MIS18A: variants seen among roughly 807,000 people sequenced by gnomAD.
MIS18A encodes the protein MIS18 kinetochore protein A.
In MIS18A, 14 loss-of-function variants were observed where a neutral mutation model predicts 25.0. The ratio of observed to expected loss-of-function variants is 0.56; its 90% CI spans 0.37 to 0.88. The LOEUF (loss-of-function observed/expected upper bound fraction) is 0.88. Ranked by LOEUF, MIS18A falls within the 40% of genes least tolerant of loss-of-function variation. MIS18A has a pLI of 0.00. For synonymous variants in MIS18A, 134 were observed against 118.6 expected, an observed-to-expected ratio of 1.13 and a Z score of -0.84; for missense variants, 292 against 290.8, an observed-to-expected ratio of 1.00 and a Z score of -0.03.
the MIS18A span, among the ~76,000 whole-genome samples, chr21:32,242,468 T>C: frequency 6.6e-6 from 1 of 152,202 alleles, no homozygotes; most frequent in East Asian, 1.9e-4. Context: ...CCCATAAGTA[T>C]ATTTTCTTCA....
chr21:32,178,849 G>A, the MIS18A span, among the ~76,000 whole-genome samples: 90,126 of 151,918 alleles, frequency 0.59, 27,527 homozygotes, highest in African/African-American at 0.74. Flanking sequence ...AAACCTTTTC[G>A]ATCTGCCCTC....
At chr21:32,228,159 G>A in the MIS18A span, among the ~76,000 whole-genome samples, 1 of 152,168 alleles carries the variant, frequency 6.6e-6, no homozygotes, top group Non-Finnish European at 1.5e-5. Context: ...CGCCATCACG[G>A]CTCACTGCAA....
At chr21:32,193,957 G>C in the MIS18A span, among the ~76,000 whole-genome samples, 1 of 152,196 alleles carries the variant, frequency 6.6e-6, no homozygotes, top group African/African-American at 2.4e-5. Flanking sequence ...TCCCTCACCT[G>C]TACCCACGAG....
the MIS18A span, among the ~76,000 whole-genome samples, chr21:32,209,828 T>C: frequency 6.6e-6 from 1 of 152,198 alleles, no homozygotes; most frequent in African/African-American, 2.4e-5. Context: ...CAGAAGGACG[T>C]GTCTGCTTCC....
the MIS18A span, among the ~76,000 whole-genome samples, chr21:32,218,987 G>A: frequency 1.4e-4 from 21 of 151,026 alleles, no homozygotes; most frequent in East Asian, 5.9e-4. Context: ...AAAATTGCTC[G>A]AACCCGGGAG....
At chr21:32,174,578 AC>A in the MIS18A span, among the ~76,000 whole-genome samples, 7 of 152,206 alleles carry the variant, frequency 4.6e-5, no homozygotes, top group African/African-American at 1.2e-4. Context: ...CCAGGAAGAT[AC>A]AACAAAACTT....
the MIS18A span, among the ~76,000 whole-genome samples, chr21:32,186,037 G>C: frequency 7.2e-6 from 1 of 139,702 alleles, no homozygotes; most frequent in Non-Finnish European, 1.5e-5. Flanking sequence ...GGTAAGCTCT[G>C]GGTGACTGTT....
the MIS18A span, among the ~76,000 whole-genome samples, chr21:32,167,209 G>A: frequency 6.6e-6 from 1 of 152,132 alleles, no homozygotes; most frequent in Non-Finnish European, 1.5e-5. Context: ...TCTGGAGGTA[G>A]ATAATATGAT....
At chr21:32,213,008 A>G in the MIS18A span, among the ~76,000 whole-genome samples, 1 of 152,224 alleles carries the variant, frequency 6.6e-6, no homozygotes, top group Non-Finnish European at 1.5e-5. Context: ...TCAAGCTTGT[A>G]GAAAAGACCA....
the MIS18A span, among the ~76,000 whole-genome samples, chr21:32,199,361 C>T: frequency 6.6e-6 from 1 of 151,772 alleles, no homozygotes; most frequent in African/African-American, 2.4e-5. Context: ...CATGCTCCCT[C>T]TTACTTCTTC....
At chr21:32,233,263 AT>A in the MIS18A span, among the ~76,000 whole-genome samples, 1 of 152,122 alleles carries the variant, frequency 6.6e-6, no homozygotes, top group Non-Finnish European at 1.5e-5. Flanking sequence ...GCATTTCTGA[AT>A]TTTTCTCAGC....
At chr21:32,199,635 C>T in the MIS18A span, among the ~76,000 whole-genome samples, 3 of 152,070 alleles carry the variant, frequency 2.0e-5, no homozygotes, top group African/African-American at 4.8e-5. Context: ...TGGTAAAACC[C>T]CGCCTCTACT....
chr21:32,165,723 T>G, the MIS18A span, among the ~76,000 whole-genome samples: 1 of 152,046 alleles, frequency 6.6e-6, no homozygotes, highest in Non-Finnish European at 1.5e-5. Context: ...TAACTAGTAT[T>G]TTACCAAATC....
chr21:32,217,784 C>T, the MIS18A span, among the ~76,000 whole-genome samples: 4 of 151,926 alleles, frequency 2.6e-5, no homozygotes, highest in South Asian at 2.1e-4. Context: ...TCCATGGAAT[C>T]GGGAAGGCAA....
chr21:32,189,261 C>T, the MIS18A span, among the ~76,000 whole-genome samples: 23,036 of 152,128 alleles, frequency 0.15, 1,845 homozygotes, highest in East Asian at 0.24. Context: ...TCATACTTCA[C>T]TTTATTTTAT....
At position 32,269,033 on chromosome 21, in the gene MIS18A, G is replaced by C. The variant is rs2031662948; in HGVS notation, c.*4C>G. 6.3e-7 allele frequency: 1 copy of C among 1,593,032 alleles called. No individual in the cohort carries two copies. The highest frequency in any genetic ancestry group is 8.6e-7 in the Non-Finnish European group (1 of 1,165,984). On this transcript the variant is annotated 3_prime_UTR_variant, in exon 5 of 5. Transcript: ENST00000290130. ...GGGGCAGAATGGAGGACACAGACTAGAGTTCAGCTTTTACAAGTGGCAAAG... is the reference window on the plus strand; with the variant it reads ...GGGGCAGAATGGAGGACACAGACTACAGTTCAGCTTTTACAAGTGGCAAAG...
At chr21:32,276,544 G>C (rs2031814529) in intron 1 of MIS18A, among the ~76,000 whole-genome samples, 1 of 151,362 alleles carries the variant, frequency 6.6e-6, no homozygotes, top group Non-Finnish European at 1.5e-5. Flanking sequence ...GACGTGGGGA[G>C]CACTAATGAT....
At chr21:32,261,417 G>C in the MIS18A span, 1 of 152,240 alleles carries the variant, frequency 6.6e-6, no homozygotes, top group Non-Finnish European at 1.5e-5. Context: ...AGTTCAGCGA[G>C]GTGCCTGGGC....
the MIS18A span, among the ~76,000 whole-genome samples, chr21:32,237,267 G>A: frequency 1.3e-5 from 2 of 152,192 alleles, no homozygotes; most frequent in Non-Finnish European, 2.9e-5. Flanking sequence ...TGCCTGAGAG[G>A]GTCATGCAGC....
Sources: gnomAD v4.1 joint callset for allele counts (sites outside exome capture counted in the v4.1 genomes callset) on GRCh38, gnomAD v4.1.1 for gene constraint, MANE v1.5 for transcripts, NCBI Gene and HGNC (gene_info 2026-07-23, HGNC 2026-07-21) for gene names.